Variants in RAD51AP2 observed in about 807,000 individuals in gnomAD.
The protein encoded by RAD51AP2 is RAD51 associated protein 2, also known as RAD51-associated protein 2.
Under a neutral mutation model 85.5 loss-of-function variants are expected in RAD51AP2, and 67 were observed. The ratio of observed to expected loss-of-function variants is 0.78; its 90% CI spans 0.64 to 0.96. The LOEUF (loss-of-function observed/expected upper bound fraction) is 0.96. Among genes scored for constraint, RAD51AP2 ranks in the 40% least tolerant of loss-of-function variants. RAD51AP2 has a pLI of 0.00. For synonymous variants in RAD51AP2, 474 were observed against 446.5 expected (o/e 1.06, Z -0.78); for missense variants, 1,307 against 1,332.4 (o/e 0.98, Z 0.30).
upstream of RAD51AP2, among the ~76,000 whole-genome samples, chr2:17,518,652 T>G: frequency 7.2e-6 from 1 of 138,976 alleles, no homozygotes; most frequent in Non-Finnish European, 1.5e-5. Context: ...GTCTCACCAC[T>G]GAAGGTCGGA....
Position 17,517,558 on chromosome 2 carries a change from T to A in RAD51AP2, c.858A>T (p.Lys286Asn). ...TTGTGAAATCCCTAACATATGCCTCTTTTTTGTCATTCTTTTTCTTCGCTA... is the reference window on the plus strand; with the variant it reads ...TTGTGAAATCCCTAACATATGCCTCATTTTTGTCATTCTTTTTCTTCGCTA... ...KEIAKKKNDK[K>N]EAYVRDFTNI... The change falls in exon 1 of 3, where the codon AAA (lysine) becomes AAT (asparagine). Residue 286 changes from lysine (K) to asparagine (N), a missense_variant. Coordinates refer to ENST00000399080, the MANE Select transcript of RAD51AP2 (RefSeq NM_001099218.3). 2 of 1,613,664 alleles carry A rather than the reference T, an allele frequency of 1.2e-6. No individual in the cohort carries two copies. Among genetic ancestry groups the A allele is most frequent in the Non-Finnish European group, 1.7e-6 (2 of 1,179,904 alleles).
Position 17,517,370 on chromosome 2 carries a change from T to C in RAD51AP2, c.1046A>G (p.Asn349Ser). The change falls in exon 1 of 3, where the codon AAC becomes AGC. Residue 349 changes from asparagine (N) to serine (S), a missense_variant. Physicochemically the swap from Asn to Ser is conservative, Grantham distance 46. Transcript: ENST00000399080. Reference protein sequence around the residue: ...TCKRKDLISSNYCNCSSIQCN... With the variant: ...TCKRKDLISSSYCNCSSIQCN... ...CTGGATACTACTGCAGTTACAGTAG[T>C]TTGAACTGATCAAGTCTTTTCTCTT... The C allele has an allele frequency of 1.9e-6, 3 of 1,613,960 alleles. No individual in the cohort carries two copies. The highest frequency in any genetic ancestry group is 2.2e-5 in the East Asian group (1 of 44,860).
In RAD51AP2 at chr2:17,515,855, G is replaced by A. The variant is rs1289222407; in HGVS notation, c.2561C>T (p.Thr854Ile). Residue 854 changes from threonine (T) to isoleucine (I), a missense_variant, in exon 1 of 3, where the codon ACT becomes ATT. Thr to Ile is a moderately conservative substitution (Grantham distance 89). This residue lies in a region of RAD51AP2 where 668 missense variants were observed against 671.0 expected (regional missense o/e 1.00). Coordinates refer to ENST00000399080, the MANE Select transcript of RAD51AP2 (RefSeq NM_001099218.3). ...LTNSCQVHKD[T>I]KIEKEEKDSF... ...ATCTTTCTCTTCCTTTTCTATCTTAGTATCTTTGTGAACTTGGCAACTATT... is the reference window on the plus strand; with the variant it reads ...ATCTTTCTCTTCCTTTTCTATCTTAATATCTTTGTGAACTTGGCAACTATT... 8.1e-6 allele frequency: 13 copies of A among 1,610,082 alleles called. No individual in the cohort carries two copies. Among genetic ancestry groups the A allele is most frequent in the Non-Finnish European group, 1.1e-5 (13 of 1,178,086 alleles).
rs1430159957 is a variant in RAD51AP2, at chr2:17,516,718, T to C, written c.1698A>G (p.Ile566Met). The C allele has an allele frequency of 6.3e-7, 1 of 1,576,400 alleles. No individual in the cohort carries two copies. The highest frequency in any genetic ancestry group is 8.6e-7 in the Non-Finnish European group (1 of 1,157,670). ...GTTCTGAAACACTATCTTGTAAATATATGCTTAAAATTCCATTCTTTATAT... is the reference window on the plus strand; with the variant it reads ...GTTCTGAAACACTATCTTGTAAATACATGCTTAAAATTCCATTCTTTATAT... ...NTNIKNGILS[I>M]YLQDSVSEPL... Residue 566 changes from isoleucine (I) to methionine (M), a missense_variant, in exon 1 of 3, where the codon ATA becomes ATG. Around this residue, in one of 3 missense-constraint regions of RAD51AP2, gnomAD observed 4 missense variants for 17.7 expected, o/e 0.23. Coordinates refer to ENST00000399080, the MANE Select transcript of RAD51AP2 (RefSeq NM_001099218.3).
intron 1 of RAD51AP2, 45 bp from the exon 2 acceptor site, chr2:17,514,137 A>G (rs767644955): frequency 9.7e-7 from 1 of 1,026,444 alleles, no homozygotes. Context: ...TAACTTTTAT[A>G]TAAAATATTA....
At chr2:17,533,044 A>G in the RAD51AP2 span, among the ~76,000 whole-genome samples, 1 of 152,010 alleles carries the variant, frequency 6.6e-6, no homozygotes, top group African/African-American at 2.4e-5. Flanking sequence ...TGCAAAAGCA[A>G]CTCTTCCAAA....
chr2:17,516,621 T>G lies in RAD51AP2; in HGVS notation c.1795A>C (p.Asn599His). 6.4e-7 allele frequency: 1 copy of G among 1,574,558 alleles called. No individual in the cohort carries two copies. The highest frequency in any genetic ancestry group is 8.6e-7 in the Non-Finnish European group (1 of 1,164,026). Residue 599 changes from asparagine (N) to histidine (H), a missense_variant, in exon 1 of 3, where the codon AAT becomes CAT. Physicochemically the swap from Asn to His is moderately conservative, Grantham distance 68. Transcript: ENST00000399080. The stretch of plus-strand genomic sequence containing the variant: ...CATTCCTCTTCTAATTCAAAATCAT[T>G]TTCAATTCTTGTTAAAGAGTCAAAG... Reference protein sequence around the residue: ...NNFDSLTRIENDFELEEECIF... With the variant: ...NNFDSLTRIEHDFELEEECIF...
At chr2:17,520,541 T>C (rs1662836110), upstream of RAD51AP2, among the ~76,000 whole-genome samples, 1 of 152,140 alleles carries the variant, frequency 6.6e-6, no homozygotes. Context: ...ACAGCATCTA[T>C]CTGATTTCTT....
In RAD51AP2 at chr2:17,517,006, C is replaced by T. The variant is rs753683361; in HGVS notation, c.1410G>A (p.Gln470=). 6.2e-7 allele frequency: 1 copy of T among 1,601,320 alleles called. No homozygotes were observed. The highest frequency in any genetic ancestry group is 8.5e-7 in the Non-Finnish European group (1 of 1,176,500). The part of the protein sequence containing the change: ...KLLVREILGS[Q]TALITTVWLN... ...GCCAAACAGTCGTTATTAAAGCTGT[C>T]TGACTACCTAATATTTCTCTTACGA... Residue 470 remains glutamine (Q), a synonymous_variant, in exon 1 of 3, where the codon CAG becomes CAA. Coordinates refer to ENST00000399080, the MANE Select transcript of RAD51AP2 (RefSeq NM_001099218.3).
chr2:17,529,326 C>G, the RAD51AP2 span, among the ~76,000 whole-genome samples: 1 of 151,544 alleles, frequency 6.6e-6, no homozygotes, highest in Non-Finnish European at 1.5e-5. Flanking sequence ...CTGTTTTCTA[C>G]TGTTTTTGGT....
chr2:17,530,284 T>A, the RAD51AP2 span, among the ~76,000 whole-genome samples: 1 of 152,196 alleles, frequency 6.6e-6, no homozygotes, highest in Admixed American at 6.5e-5. Flanking sequence ...CCTGACAGCA[T>A]CAGGAACATT....
intron 2 of RAD51AP2, 152 bp downstream of exon 2, chr2:17,513,860 G>C (rs563445865): frequency 9.2e-5 from 47 of 512,800 alleles, no homozygotes; most frequent in African/African-American, 8.9e-4. Flanking sequence ...TTAATTATTA[G>C]AATTTATCAG....
the RAD51AP2 span, among the ~76,000 whole-genome samples, chr2:17,530,661 AAAT>A: frequency 6.6e-6 from 1 of 151,812 alleles, no homozygotes; most frequent in South Asian, 2.1e-4. Flanking sequence ...CCAAAGTGGG[AAAT>A]TATCCACATA....
intron 2 of RAD51AP2, 39 bp downstream of exon 2, chr2:17,513,973 C>A: frequency 9.6e-7 from 1 of 1,041,926 alleles, no homozygotes; most frequent in Non-Finnish European, 1.5e-6. Context: ...ATGCAATAAT[C>A]ATCTTAGAAG....
At chr2:17,522,039 CT>C (rs910576280), upstream of RAD51AP2, among the ~76,000 whole-genome samples, 113 of 152,084 alleles carry the variant, frequency 7.4e-4, no homozygotes, top group Middle Eastern at 3.4e-3. Flanking sequence ...ATAAACCAGT[CT>C]TCATTTTACT....
intron 1 of RAD51AP2, 21 bp from the exon 2 acceptor site, chr2:17,514,113 GT>G: frequency 7.3e-7 from 1 of 1,363,276 alleles, no homozygotes. Flanking sequence ...AGAGTGATAT[GT>G]TACAGCAAAA....
Position 17,517,075 on chromosome 2 carries a change from G to A in RAD51AP2, c.1341C>T (p.His447=), listed in dbSNP as rs1662703716. Residue 447 remains histidine, a synonymous_variant, in exon 1 of 3, where the codon CAC becomes CAT. Coordinates refer to ENST00000399080, the MANE Select transcript of RAD51AP2 (RefSeq NM_001099218.3). ...EIDLLSKEDY[H]CAKVINAYEE... ...CATATGCATTGATGACTTTTGCACA[G>A]TGGTAATCTTCCTTGCTTAAAAGGT... The A allele has an allele frequency of 3.1e-6, 5 of 1,612,698 alleles. No individual in the cohort carries two copies. The highest frequency in any genetic ancestry group is 2.5e-6 in the Non-Finnish European group (3 of 1,179,510).
the RAD51AP2 span, among the ~76,000 whole-genome samples, chr2:17,533,572 T>C: frequency 6.6e-6 from 1 of 152,216 alleles, no homozygotes; most frequent in Non-Finnish European, 1.5e-5. Context: ...TCTTTACCTC[T>C]AGTTATGACT....
Position 17,515,671 on chromosome 2 carries a change from C to A in RAD51AP2, c.2745G>T (p.Lys915Asn). 1 of 1,612,058 alleles carries A rather than the reference C, an allele frequency of 6.2e-7. No individual in the cohort carries two copies. The highest frequency in any genetic ancestry group is 1.7e-5 in the Admixed American group (1 of 59,810). ...CAGAGTCATTCTTTCTGTGAAAATC[C>A]TTTGAATTAGCTATCTCCCTTTCTG... is the stretch of plus-strand genomic sequence containing the variant. The part of the protein sequence containing the change: ...ILPEREIANS[K>N]DFHRKNDSAL... The change falls in exon 1 of 3, where the codon AAG becomes AAT. Residue 915 changes from lysine (K) to asparagine (N), a missense_variant. Lys to Asn is a moderately conservative substitution (Grantham distance 94). Transcript: ENST00000399080.
Sources: gnomAD v4.1 joint callset for allele counts (sites outside exome capture counted in the v4.1 genomes callset) on GRCh38, gnomAD v4.1.1 for gene constraint, gnomAD v4.1.1 regional missense constraint, MANE v1.5 for transcripts, NCBI Gene and HGNC (gene_info 2026-07-23, HGNC 2026-07-21) for gene names.